Variants in ADAM19 observed in about 807,000 individuals in gnomAD.
ADAM19 encodes the protein ADAM metallopeptidase domain 19.
Under a neutral mutation model 114.7 loss-of-function variants are expected in ADAM19, and 65 were observed. The observed-to-expected ratio is 0.57, with a 90% CI of 0.46 to 0.70. ADAM19 has a LOEUF of 0.70. ADAM19 is among the 30% of genes least tolerant of loss of function. The probability of loss-of-function intolerance (pLI) is 0.00; values close to 1 mark genes in which losing one functional copy is unlikely to be tolerated. For missense variants in ADAM19, 1,063 were observed against 1,204.7 expected, an observed-to-expected ratio of 0.88 and a Z score of 1.74; for synonymous variants, 466 against 460.5, an observed-to-expected ratio of 1.01 and a Z score of -0.15.
intron 1 of ADAM19, 108 bp downstream of exon 1, chr5:157,575,494 CG>C: frequency 1.3e-6 from 1 of 762,432 alleles, no homozygotes; most frequent in Non-Finnish European, 1.9e-6. Flanking sequence ...GCAGGCCCCG[CG>C]GAGTTGCGGG....
chr5:157,530,231 A>AG lies in ADAM19; in HGVS notation c.407+575_407+576insC, dbSNP rs1756586952. 2.6e-5 allele frequency among the ~76,000 whole-genome samples: 4 copies of AG among 151,588 alleles called. No homozygotes were observed. The South Asian group carries it at 8.3e-4, about 32-fold the overall frequency. On this transcript the variant is annotated intron_variant, in intron 5 of 22. Coordinates refer to ENST00000257527, the MANE Select transcript of ADAM19 (RefSeq NM_033274.5). ...TACCCTAGCCATTTATTTTATGGGC[A>AG]CTCTCACCCTCTGGGCCACTATCCC... is the stretch of plus-strand genomic sequence containing the variant.
intron 11 of ADAM19, among the ~76,000 whole-genome samples, chr5:157,504,190 T>A (rs143738908): frequency 1.8e-4 from 28 of 152,348 alleles, no homozygotes; most frequent in Non-Finnish European, 3.1e-4. Context: ...AGCTTAACCA[T>A]GAGCTTATAG....
Position 157,478,290 on chromosome 5 carries a change from CAAAAAAAAAAA to C in ADAM19, c.*2648_*2658del, listed in dbSNP as rs36056270. 8.1e-4 allele frequency: 56 copies of C among 69,422 alleles called. No individual in the cohort carries two copies. In the East Asian group the frequency reaches 0.01, roughly 13 times the overall value. The allele number at this position is 69,422 out of a possible 1,614,324, so 4.3% of individuals were successfully genotyped here. Reference sequence around the variant, plus strand: ...CAGCAAACAGCCCCTCCCCTGGAGACAAAAAAAAAAAAAAAAAAAAAAAGGCTGGGCACAAC... The same window carrying C: ...CAGCAAACAGCCCCTCCCCTGGAGACAAAAAAAAAAAAGGCTGGGCACAAC... On this transcript the variant is annotated 3_prime_UTR_variant, in exon 23 of 23. Transcript: ENST00000257527.
intron 12 of ADAM19, among the ~76,000 whole-genome samples, chr5:157,500,450 T>G (rs1215084342): frequency 6.6e-6 from 1 of 152,226 alleles, no homozygotes. Context: ...AACCATGTAG[T>G]CTTCTAAAAT....
Position 157,497,017 on chromosome 5 carries a change from A to G in ADAM19, c.1471T>C (p.Ser491Pro). The change falls in exon 14 of 23, where the codon TCT (serine) becomes CCT (proline). Residue 491 changes from serine (S) to proline (P), a missense_variant. Coordinates refer to ENST00000257527, the MANE Select transcript of ADAM19 (RefSeq NM_033274.5). ...TAGAAGTTGGTAGGGCAGTGGGGAG[A>G]CTTGCCCGTACAGAACTCCGGGAGG... is the stretch of plus-strand genomic sequence containing the variant. ...CDLPEFCTGK[S>P]PHCPTNFYQM... 1 of 1,589,178 alleles carries G rather than the reference A, an allele frequency of 6.3e-7. No individual in the cohort carries two copies. The highest frequency in any genetic ancestry group is 8.5e-7 in the Non-Finnish European group (1 of 1,169,676).
chr5:157,500,207 A>G (rs1755516761), intron 12 of ADAM19, among the ~76,000 whole-genome samples: 1 of 151,904 alleles, frequency 6.6e-6, no homozygotes, highest in Admixed American at 6.5e-5. Flanking sequence ...TTTTTTTGAG[A>G]CAGTCTGCAA....
At chr5:157,489,804 G>A (rs1447569910) in intron 19 of ADAM19, among the ~76,000 whole-genome samples, 1 of 152,156 alleles carries the variant, frequency 6.6e-6, no homozygotes, top group Non-Finnish European at 1.5e-5. Context: ...TGGTCAACAT[G>A]GTGAAACCCC....
intron 1 of ADAM19, among the ~76,000 whole-genome samples, chr5:157,573,039 T>TA (rs1360724342): frequency 7.9e-5 from 12 of 151,932 alleles, no homozygotes; most frequent in African/African-American, 1.4e-4. Flanking sequence ...ATCTCAGAAA[T>TA]AAAAAAAAGA....
intron 20 of ADAM19, among the ~76,000 whole-genome samples, chr5:157,488,709 C>T (rs865945135): frequency 6.6e-5 from 10 of 152,318 alleles, no homozygotes; most frequent in Middle Eastern, 6.8e-3. Context: ...TATTACCAAT[C>T]CCATGGGCCC....
At chr5:157,507,898 T>C (rs1195284217) in intron 9 of ADAM19, among the ~76,000 whole-genome samples, 2 of 152,228 alleles carry the variant, frequency 1.3e-5, no homozygotes, top group Admixed American at 6.5e-5. Flanking sequence ...AAAGAACCTA[T>C]ATGGAAATTC....
chr5:157,492,629 T>C (rs1755213809), intron 16 of ADAM19, among the ~76,000 whole-genome samples: 1 of 152,216 alleles, frequency 6.6e-6, no homozygotes, highest in Non-Finnish European at 1.5e-5. Flanking sequence ...TTTTCCATAG[T>C]TTCATTATCA....
In ADAM19 at chr5:157,477,671, G is replaced by A. The variant is rs1349257051; in HGVS notation, c.*3278C>T. 7.8e-7 allele frequency: 1 copy of A among 1,289,510 alleles called. No homozygotes were observed. The highest frequency in any genetic ancestry group is 1.0e-6 in the Non-Finnish European group (1 of 988,790). 79.9% of individuals were successfully genotyped at this position (1,289,510 alleles called of 1,614,324 possible). On this transcript the variant is annotated 3_prime_UTR_variant, in exon 23 of 23. Coordinates refer to ENST00000257527, the MANE Select transcript of ADAM19 (RefSeq NM_033274.5). ...TGTCCAGCAGAGCTGTTATACACGT[G>A]GTTAACACAATTACTGACTTTGGAA... is the stretch of plus-strand genomic sequence containing the variant.
chr5:157,526,708 C>G lies in ADAM19; in HGVS notation c.407+4099G>C, dbSNP rs561520117. Among the ~76,000 whole-genome samples the G allele has an allele frequency of 1.3e-4, 20 of 151,886 alleles. No individual in the cohort carries two copies. The South Asian group carries it at 3.3e-3, about 25-fold the overall frequency. On this transcript the variant is annotated intron_variant, in intron 5 of 22. Coordinates refer to ENST00000257527, the MANE Select transcript of ADAM19 (RefSeq NM_033274.5). ...GGATCTCAGCTCACTGCAACCTCTG[C>G]CTCCCGGGTTCAAACGGTTCTCCTG... is the stretch of plus-strand genomic sequence containing the variant.
intron 18 of ADAM19, 43 bp from the exon 19 acceptor site, chr5:157,490,497 C>T (rs1755115515): frequency 1.2e-6 from 2 of 1,600,340 alleles, no homozygotes; most frequent in Non-Finnish European, 1.7e-6. Context: ...GAAGCTGTCT[C>T]GGCTACAGCA....
chr5:157,575,168 G>A (rs986821608), intron 1 of ADAM19, among the ~76,000 whole-genome samples: 1 of 152,234 alleles, frequency 6.6e-6, no homozygotes, highest in Admixed American at 6.5e-5. Flanking sequence ...CCAGGAAGCC[G>A]CTCCCAGGCC....
intron 3 of ADAM19, among the ~76,000 whole-genome samples, chr5:157,551,197 G>A (rs898663360): frequency 8.5e-5 from 13 of 152,080 alleles, no homozygotes; most frequent in African/African-American, 2.7e-4. Context: ...CTGAGGTCAG[G>A]AGTTGCAGAC....
intron 3 of ADAM19, among the ~76,000 whole-genome samples, chr5:157,538,329 C>T (rs988837465): frequency 6.6e-6 from 1 of 152,024 alleles, no homozygotes; most frequent in Non-Finnish European, 1.5e-5. Context: ...CCTATGAACC[C>T]TGTTGTGTAC....
rs1401706436 is a variant in ADAM19 at position 157,575,742 on chromosome 5, T to C, written c.-46A>G. The stretch of plus-strand genomic sequence containing the variant: ...CTCGGCGCTCACACGCCCTCAGCCA[T>C]ACCTGCCCACTGCCCGGCGGTGGAG... On this transcript the variant is annotated 5_prime_UTR_variant, in exon 1 of 23. It removes an upstream start codon present in the reference 5' UTR. Transcript: ENST00000257527. 11 of 1,241,002 alleles carry C rather than the reference T, an allele frequency of 8.9e-6. No homozygotes were observed. Among genetic ancestry groups the C allele is most frequent in the Non-Finnish European group, 1.1e-5 (11 of 986,096 alleles). The allele number at this position is 1,241,002 out of a possible 1,614,324, so 76.9% of individuals were successfully genotyped here.
At chr5:157,526,647 G>C (rs983111799) in intron 5 of ADAM19, among the ~76,000 whole-genome samples, 2 of 151,590 alleles carry the variant, frequency 1.3e-5, no homozygotes, top group Admixed American at 6.6e-5. Context: ...TTGAGATGGG[G>C]TCTTGCTTTG....
Sources: allele counts gnomAD v4.1 joint callset (sites outside exome capture counted in the v4.1 genomes callset), GRCh38; gene constraint gnomAD v4.1.1; transcripts MANE v1.5; gene names NCBI Gene and HGNC (gene_info 2026-07-23, HGNC 2026-07-21).